Variants in ASAH2 observed in about 807,000 individuals in gnomAD.
ASAH2 encodes the protein neutral ceramidase.
ASAH2 carries 58 observed loss-of-function variants against 82.9 expected under a neutral mutation model. The observed-to-expected ratio is 0.70, with a 90% CI of 0.57 to 0.87. The LOEUF is 0.87. Ranked by LOEUF, ASAH2 falls within the 40% of genes least tolerant of loss-of-function variation. The probability of loss-of-function intolerance (pLI) is 0.00; values close to 1 mark genes in which losing one functional copy is unlikely to be tolerated. For missense variants in ASAH2, 779 were observed against 834.0 expected (o/e 0.93, Z 0.81); for synonymous variants, 276 against 289.7 (o/e 0.95, Z 0.48).
intron 8 of ASAH2, among the ~76,000 whole-genome samples, chr10:50,217,452 C>T (rs1845634582): frequency 6.6e-6 from 1 of 152,130 alleles, no homozygotes; most frequent in Non-Finnish European, 1.5e-5. Context: ...TGGTCTCGAA[C>T]TCCTGACCTC....
Position 50,202,916 on chromosome 10 carries a change from T to C in ASAH2, c.1674A>G (p.Ala558=), listed in dbSNP as rs1017306869. ...CAGTCATGTTCTGCATCCCATGAGA[T>C]GCAAATTCCTAGGAGAGAAAGGTAA... ...RLREAVQAEF[A]SHGMQNMTVV... The change falls in exon 16 of 21, where the codon GCA becomes GCG. Residue 558 remains alanine, a synonymous_variant. Coordinates refer to ENST00000682911, the MANE Select transcript of ASAH2 (RefSeq NM_019893.4). 1,999 of 1,607,620 alleles carry C rather than the reference T, an allele frequency of 1.2e-3. 14 individuals carry two copies. In the Middle Eastern group the frequency reaches 0.014, roughly 11 times the overall value.
At chr10:50,237,592 A>G (rs1189158044) in intron 4 of ASAH2, among the ~76,000 whole-genome samples, 1 of 152,226 alleles carries the variant, frequency 6.6e-6, no homozygotes, top group Admixed American at 6.5e-5. Context: ...GACAACTAAT[A>G]CAAAGAGACT....
chr10:50,245,395 C>T lies in ASAH2; in HGVS notation c.187G>A (p.Ala63Thr), dbSNP rs1846426100. 1 of 1,613,876 alleles carries T rather than the reference C, an allele frequency of 6.2e-7. No homozygotes were observed. The highest frequency in any genetic ancestry group is 8.5e-7 in the Non-Finnish European group (1 of 1,179,934). The change falls in exon 3 of 21, where the codon GCT becomes ACT. Residue 63 changes from alanine (A) to threonine (T), a missense_variant. Ala to Thr is a moderately conservative substitution (Grantham distance 58). Coordinates refer to ENST00000682911, the MANE Select transcript of ASAH2 (RefSeq NM_019893.4). ...TGGGTGGCTGTGGAGCGTTGGGCAGCTGTGGAGCCCTGGGTGGCTGGAGGG... is the reference window on the plus strand; with the variant it reads ...TGGGTGGCTGTGGAGCGTTGGGCAGTTGTGGAGCCCTGGGTGGCTGGAGGG... ...QSPPATQGSTAAQRSTATQHS... is the reference protein window; with the variant it reads ...QSPPATQGSTTAQRSTATQHS...
chr10:50,231,241 T>C (rs978890517), intron 7 of ASAH2, among the ~76,000 whole-genome samples: 2 of 152,036 alleles, frequency 1.3e-5, no homozygotes, highest in African/African-American at 4.8e-5. Context: ...ACTAAAGTGC[T>C]CTAGAATCTG....
In ASAH2 at chr10:50,224,198, A is replaced by G. The variant is rs931723475; in HGVS notation, c.894-5568T>C. Among the ~76,000 whole-genome samples, 24 of 152,266 alleles carry G rather than the reference A, an allele frequency of 1.6e-4. No homozygotes were observed. The South Asian group carries it at 2.9e-3, about 18-fold the overall frequency. Reference sequence around the variant, plus strand: ...ATGATAATAGTAGTACCTGCATTTGACAATTAAAATAACTAATACATGTGA... The same window carrying G: ...ATGATAATAGTAGTACCTGCATTTGGCAATTAAAATAACTAATACATGTGA... On this transcript the variant is annotated intron_variant, in intron 7 of 20. Transcript: ENST00000682911.
intron 7 of ASAH2, among the ~76,000 whole-genome samples, chr10:50,231,278 T>G (rs1328823929): frequency 2.0e-5 from 3 of 152,052 alleles, no homozygotes; most frequent in Non-Finnish European, 2.9e-5. Context: ...CCAGTCCACC[T>G]TTTACCAATG....
intron 2 of ASAH2, 47 bp downstream of exon 2, chr10:50,248,437 T>C: frequency 1.2e-6 from 2 of 1,603,754 alleles, no homozygotes; most frequent in Non-Finnish European, 1.7e-6. Context: ...ATCAAGAAGT[T>C]TCATACAGGC....
intron 7 of ASAH2, among the ~76,000 whole-genome samples, chr10:50,227,511 AAT>A (rs1464237557): frequency 6.6e-6 from 1 of 152,216 alleles, no homozygotes; most frequent in Non-Finnish European, 1.5e-5. Flanking sequence ...AATGCACCTG[AAT>A]ATTAACCATG....
intron 7 of ASAH2, among the ~76,000 whole-genome samples, chr10:50,231,673 C>G (rs1846025490): frequency 6.6e-6 from 1 of 152,086 alleles, no homozygotes; most frequent in Non-Finnish European, 1.5e-5. Context: ...GGAAACTAAT[C>G]AAGAGATAAG....
chr10:50,236,725 ATTG>A (rs1341332938), intron 4 of ASAH2, among the ~76,000 whole-genome samples: 21 of 152,152 alleles, frequency 1.4e-4, no homozygotes, highest in Non-Finnish European at 2.8e-4. Flanking sequence ...CTACACAAGT[ATTG>A]TTAAGCCCAT....
chr10:50,228,836 G>GGAAGGA (rs1474698061), intron 7 of ASAH2, among the ~76,000 whole-genome samples: 1 of 151,854 alleles, frequency 6.6e-6, no homozygotes, highest in Non-Finnish European at 1.5e-5. Context: ...GAAAAGAAGA[G>GGAAGGA]GAAGGAGAAG....
intron 7 of ASAH2, among the ~76,000 whole-genome samples, chr10:50,231,753 G>A (rs1846027312): frequency 1.3e-5 from 2 of 152,126 alleles, no homozygotes; most frequent in African/African-American, 4.8e-5. Context: ...AGTTTTTAGT[G>A]ACTTCACTTT....
intron 3 of ASAH2, among the ~76,000 whole-genome samples, 190 bp downstream of exon 3, chr10:50,245,032 G>T (rs1846409652): frequency 6.6e-6 from 1 of 152,022 alleles, no homozygotes; most frequent in African/African-American, 2.4e-5. Flanking sequence ...TTTTACAGGG[G>T]AGTTGTGATT....
rs1410105967 is a variant in ASAH2, at chr10:50,238,691, T to G, written c.511-2627A>C. On this transcript the variant is annotated intron_variant, in intron 4 of 20. Coordinates refer to ENST00000682911, the MANE Select transcript of ASAH2 (RefSeq NM_019893.4). Reference sequence around the variant, plus strand: ...AGAGAAAAAGAGCCACGAGTCAACTTTAAAGCTCCCTAACCCCATCCTATT... The same window carrying G: ...AGAGAAAAAGAGCCACGAGTCAACTGTAAAGCTCCCTAACCCCATCCTATT... Among the ~76,000 whole-genome samples, 6 of 152,244 alleles carry G rather than the reference T, an allele frequency of 3.9e-5. No individual in the cohort carries two copies. In the East Asian group the frequency reaches 9.7e-4, roughly 25 times the overall value.
Position 50,202,831 on chromosome 10 carries a change from G to T in ASAH2, c.1759C>A (p.Gln587Lys). Residue 587 changes from glutamine (Q) to lysine (K), a missense_variant and splice_region_variant, in exon 16 of 21, where the codon CAG (glutamine) becomes AAG (lysine). Physicochemically the swap from Gln to Lys is moderately conservative, Grantham distance 53. Transcript: ENST00000682911. Reference sequence around the variant, plus strand: ...ATGATGAAAACGTTTTGCTTTACCTGGTATTCTTCATAAGTGGTAATGTAA... The same window carrying T: ...ATGATGAAAACGTTTTGCTTTACCTTGTATTCTTCATAAGTGGTAATGTAA... ...THYITTYEEY[Q>K]AQRYEAASTI... 1 of 1,595,590 alleles carries T rather than the reference G, an allele frequency of 6.3e-7. No homozygotes were observed. Among genetic ancestry groups the T allele is most frequent in the Non-Finnish European group, 8.6e-7 (1 of 1,163,766 alleles).
chr10:50,187,097 C>CTT lies in ASAH2; in HGVS notation c.*217_*218insAA. 1 of 307,490 alleles carries CTT rather than the reference C, an allele frequency of 3.3e-6. No individual in the cohort carries two copies. Among genetic ancestry groups the CTT allele is most frequent in the Non-Finnish European group, 5.8e-6 (1 of 172,802 alleles). 19.0% of individuals were successfully genotyped at this position (307,490 alleles called of 1,614,324 possible). A position where few individuals can be genotyped will look rare whatever the true frequency, so the allele number is the denominator to read the frequency against. ...ATATGGGACAAACCTCTCTCTCTCT[C>CTT]TCTCTCTCTCTCTCTCTCTCTCACA... is the stretch of plus-strand genomic sequence containing the variant. On this transcript the variant is annotated 3_prime_UTR_variant, in exon 21 of 21. Coordinates refer to ENST00000682911, the MANE Select transcript of ASAH2 (RefSeq NM_019893.4).
At chr10:50,235,429 C>G (rs958270637) in intron 5 of ASAH2, among the ~76,000 whole-genome samples, 1 of 152,004 alleles carries the variant, frequency 6.6e-6, no homozygotes, top group African/African-American at 2.4e-5. Context: ...AGGAGCACCA[C>G]GGAGGTCTGT....
At chr10:50,222,478 C>T (rs1024480291) in intron 7 of ASAH2, among the ~76,000 whole-genome samples, 2 of 152,140 alleles carry the variant, frequency 1.3e-5, no homozygotes, top group African/African-American at 4.8e-5. Flanking sequence ...TGGGGTCTCA[C>T]TATGTTGCCC....
chr10:50,223,294 G>C (rs1463951646), intron 7 of ASAH2, among the ~76,000 whole-genome samples: 2 of 152,102 alleles, frequency 1.3e-5, no homozygotes. Context: ...CTGAAACAAA[G>C]GTAAAAGCAG....
Sources: gnomAD v4.1 joint callset for allele counts (sites outside exome capture counted in the v4.1 genomes callset) on GRCh38, gnomAD v4.1.1 for gene constraint, MANE v1.5 for transcripts, NCBI Gene and HGNC (gene_info 2026-07-23, HGNC 2026-07-21) for gene names.